The following USP31 variants were observed in gnomAD, a reference collection of about 807,000 sequenced individuals.
The protein encoded by USP31 is ubiquitin specific peptidase 31.
In USP31, 44 loss-of-function variants were observed where a neutral mutation model predicts 119.4. The ratio of observed to expected loss-of-function variants is 0.37; its 90% CI spans 0.29 to 0.47. USP31 has a LOEUF of 0.47. Among genes scored for constraint, USP31 ranks in the 20% least tolerant of loss-of-function variants. The pLI, the probability that USP31 is intolerant of heterozygous loss-of-function variation, is 0.99. For missense variants in USP31, 1,643 were observed against 1,730.2 expected (o/e 0.95, Z 0.89); for synonymous variants, 749 against 705.6 (o/e 1.06, Z -0.97).
intron 12 of USP31, among the ~76,000 whole-genome samples, chr16:23,081,010 G>A (rs1410016768): frequency 6.6e-6 from 1 of 152,156 alleles, no homozygotes; most frequent in African/African-American, 2.4e-5. Context: ...GAGTAATGGA[G>A]GTGAAAAATC....
intron 1 of USP31, among the ~76,000 whole-genome samples, chr16:23,131,348 A>G (rs1181555826): frequency 6.6e-6 from 1 of 152,160 alleles, no homozygotes; most frequent in Non-Finnish European, 1.5e-5. Flanking sequence ...TTGTAGACAC[A>G]GGATCTTGTT....
At chr16:23,120,144 T>C (rs963625722) in intron 1 of USP31, among the ~76,000 whole-genome samples, 1 of 152,080 alleles carries the variant, frequency 6.6e-6, no homozygotes, top group African/African-American at 2.4e-5. Flanking sequence ...AAACAAACCC[T>C]TTTTTTAAGG....
chr16:23,091,975 A>T (rs536883935), intron 6 of USP31, among the ~76,000 whole-genome samples: 28 of 152,322 alleles, frequency 1.8e-4, no homozygotes, highest in Admixed American at 3.3e-4. Flanking sequence ...GGGTGGGAAG[A>T]TCTGTTCTCC....
chr16:23,123,461 C>T (rs914735977), intron 1 of USP31, among the ~76,000 whole-genome samples: 1 of 152,036 alleles, frequency 6.6e-6, no homozygotes, highest in East Asian at 1.9e-4. Context: ...TCACTTGAAC[C>T]TGGGAGGTGG....
Position 23,090,694 on chromosome 16 carries a change from A to C in USP31, c.1345T>G (p.Ser449Ala). ...ACAATCTTGTCGCTGCCTGCTCTTGATGTGGGAGAATCCATTTTCCCCTGC... is the reference window on the plus strand; with the variant it reads ...ACAATCTTGTCGCTGCCTGCTCTTGCTGTGGGAGAATCCATTTTCCCCTGC... ...AKQGKMDSPT[S>A]RAGSDKIVLL... The change falls in exon 7 of 16, where the codon TCA becomes GCA. Residue 449 changes from serine (S) to alanine (A), a missense_variant. Coordinates refer to ENST00000219689, the MANE Select transcript of USP31 (RefSeq NM_020718.4). 6.2e-7 allele frequency: 1 copy of C among 1,614,066 alleles called. No homozygotes were observed. The highest frequency in any genetic ancestry group is 8.5e-7 in the Non-Finnish European group (1 of 1,179,982).
chr16:23,078,347 T>A (rs1900676486), intron 13 of USP31, among the ~76,000 whole-genome samples: 1 of 150,748 alleles, frequency 6.6e-6, no homozygotes, highest in African/African-American at 2.4e-5. Flanking sequence ...TATAAAAAAT[T>A]AAGTGTCCAC....
chr16:23,073,679 T>C (rs940886680), intron 14 of USP31, 43 bp downstream of exon 14: 1 of 1,601,286 alleles, frequency 6.2e-7, no homozygotes, highest in Admixed American at 1.7e-5. Flanking sequence ...ATTACAATCT[T>C]TTGCTCTGGA....
Position 23,069,560 on chromosome 16 carries a change from T to C in USP31, c.2545A>G (p.Arg849Gly). The C allele has an allele frequency of 6.2e-7, 1 of 1,613,888 alleles. No homozygotes were observed. The highest frequency in any genetic ancestry group is 1.1e-5 in the South Asian group (1 of 91,056). Residue 849 changes from arginine (R) to glycine (G), a missense_variant, in exon 16 of 16, where the codon AGA becomes GGA. Transcript: ENST00000219689. ...RSVQRQSLSS[R>G]SSVTSPLAVN... The stretch of plus-strand genomic sequence containing the variant: ...GCCAAGGGGCTGGTGACAGAAGATC[T>C]GGATGACAAACTCTGACGCTGGACA...
At chr16:23,069,928 T>C (rs1299463655) in intron 15 of USP31, among the ~76,000 whole-genome samples, 1 of 152,202 alleles carries the variant, frequency 6.6e-6, no homozygotes, top group Non-Finnish European at 1.5e-5. Flanking sequence ...ATGTTAGGCT[T>C]TGCAGGCCAA....
In USP31 at chr16:23,068,393, T is replaced by A. The variant is rs753145331; in HGVS notation, c.3712A>T (p.Thr1238Ser). ...FFKSALRQKETRRSTDLGKTA... is the reference protein window; with the variant it reads ...FFKSALRQKESRRSTDLGKTA... Reference sequence around the variant, plus strand: ...TTGCCAAGATCCGTCGAGCGCCGGGTTTCCTTCTGTCTCAAGGCTGATTTG... The same window carrying A: ...TTGCCAAGATCCGTCGAGCGCCGGGATTCCTTCTGTCTCAAGGCTGATTTG... Residue 1238 changes from threonine (T) to serine (S), a missense_variant, in exon 16 of 16, where the codon ACC (threonine) becomes TCC (serine). By Grantham distance (58) the Thr-to-Ser change is moderately conservative (BLOSUM62 1). Around this residue, in one of 5 missense-constraint regions of USP31, gnomAD observed 699 missense variants for 650.9 expected, o/e 1.07. Coordinates refer to ENST00000219689, the MANE Select transcript of USP31 (RefSeq NM_020718.4). 1.9e-6 allele frequency: 3 copies of A among 1,613,950 alleles called. No homozygotes were observed. Among genetic ancestry groups the A allele is most frequent in the Admixed American group, 3.3e-5 (2 of 60,028 alleles).
At position 23,106,440 on chromosome 16, in the gene USP31, G is replaced by A. The variant is rs115598051; in HGVS notation, c.819C>T (p.Val273=). The change falls in exon 3 of 16, where the codon GTC becomes GTT. Residue 273 remains valine (V), a synonymous_variant. Coordinates refer to ENST00000219689, the MANE Select transcript of USP31 (RefSeq NM_020718.4). ...AGAGTTCTTGTACAAAAGTGCTACA[G>A]ACAGGGAAAGATGGTCCCTCAGGCA... is the stretch of plus-strand genomic sequence containing the variant. ...DMMPEGPSFP[V]CSTFVQELFQ... 616 of 1,613,738 alleles carry A rather than the reference G, an allele frequency of 3.8e-4. 4 individuals carry two copies. In the African/African-American group the frequency reaches 7.1e-3, roughly 19 times the overall value.
intron 11 of USP31, among the ~76,000 whole-genome samples, chr16:23,083,686 C>T (rs1900942105): frequency 2.2e-5 from 1 of 46,284 alleles, no homozygotes; most frequent in African/African-American, 1.0e-4. Flanking sequence ...TAATTGAGTG[C>T]AAACCTGGCG....
At position 23,139,889 on chromosome 16, in the gene USP31, ATTTC is replaced by A. The variant is rs745557796; in HGVS notation, c.633+8745_633+8748del. Among the ~76,000 whole-genome samples the A allele has an allele frequency of 1.4e-4, 22 of 152,228 alleles. 1 individual carries two copies. The highest frequency in any genetic ancestry group is 3.4e-3 in the Middle Eastern group (1 of 294). The stretch of plus-strand genomic sequence containing the variant: ...TAAATTTATATCAAATATCCCTATT[ATTTC>A]TTTATCACCTTGGCCTGAAACCTCA... On this transcript the variant is annotated intron_variant, in intron 1 of 15. Coordinates refer to ENST00000219689, the MANE Select transcript of USP31 (RefSeq NM_020718.4).
chr16:23,107,077 ACTTCAGCCTGGG>A (rs901235104), intron 2 of USP31, among the ~76,000 whole-genome samples: 15 of 151,718 alleles, frequency 9.9e-5, no homozygotes, highest in Admixed American at 2.0e-4. Context: ...GTGCCACTGC[ACTTCAGCCTGGG>A]CAACAAGAGC....
At position 23,063,054 on chromosome 16, in the gene USP31, G is replaced by A. The variant is rs540004423; in HGVS notation, c.*4992C>T. 2.0e-5 allele frequency: 3 copies of A among 152,274 alleles called. No individual in the cohort carries two copies. The highest frequency in any genetic ancestry group is 2.0e-4 in the Admixed American group (3 of 15,284). 9.4% of individuals were successfully genotyped at this position (152,274 alleles called of 1,614,324 possible). On this transcript the variant is annotated 3_prime_UTR_variant, in exon 16 of 16. Coordinates refer to ENST00000219689, the MANE Select transcript of USP31 (RefSeq NM_020718.4). ...CACCCCTACATGAATTAGATCAAAA[G>A]CTAGGGACTGGGACCCAGGCACTGT...
rs1899858335 is a variant in USP31, at chr16:23,062,166, G to C, written c.*5880C>G. On this transcript the variant is annotated 3_prime_UTR_variant, in exon 16 of 16. Transcript: ENST00000219689. ...AACACCAGGTAAATTGTGGTGTTTT[G>C]TAGGCAGCATGAGGCTCGACAGAAT... 6.6e-6 allele frequency: 1 copy of C among 152,526 alleles called. No individual in the cohort carries two copies. Among genetic ancestry groups the C allele is most frequent in the African/African-American group, 2.4e-5 (1 of 41,420 alleles). 9.4% of individuals were successfully genotyped at this position (152,526 alleles called of 1,614,324 possible).
intron 14 of USP31, among the ~76,000 whole-genome samples, chr16:23,073,040 C>T (rs565114161): frequency 2.6e-4 from 39 of 152,140 alleles, no homozygotes; most frequent in South Asian, 1.0e-3. Context: ...TCCTCTGTCA[C>T]GCTCTCTTGA....
chr16:23,146,823 T>C (rs749286835), intron 1 of USP31, among the ~76,000 whole-genome samples: 1 of 152,178 alleles, frequency 6.6e-6, no homozygotes, highest in Non-Finnish European at 1.5e-5. Context: ...AATGTTGTTA[T>C]AAAGAAGCTT....
intron 1 of USP31, among the ~76,000 whole-genome samples, chr16:23,141,646 G>A (rs1289273529): frequency 6.6e-6 from 1 of 152,086 alleles, no homozygotes; most frequent in East Asian, 1.9e-4. Flanking sequence ...CAAAGTGCTG[G>A]GATTACAGGC....
Sources: allele counts gnomAD v4.1 joint callset (sites outside exome capture counted in the v4.1 genomes callset), GRCh38; gene constraint gnomAD v4.1.1; regional missense constraint gnomAD v4.1.1; transcripts MANE v1.5; gene names NCBI Gene and HGNC (gene_info 2026-07-23, HGNC 2026-07-21).